Variants in CUBN observed in about 807,000 individuals in gnomAD.
CUBN encodes the protein cubilin.
CUBN carries 282 observed loss-of-function variants against 405.3 expected under a neutral mutation model. The ratio of observed to expected loss-of-function variants is 0.70; its 90% confidence interval spans 0.63 to 0.77. The LOEUF (loss-of-function observed/expected upper bound fraction) is 0.77, where lower values mean the gene tolerates loss of function less well. CUBN is among the 30% of genes least tolerant of loss of function. The pLI is 0.00. For synonymous variants in CUBN, 1,684 were observed against 1,617.0 expected (o/e 1.04, Z -0.99); for missense variants, 4,514 against 4,475.2 (o/e 1.01, Z -0.25).
chr10:17,064,052 T>G (rs1835558444), intron 22 of CUBN, among the ~76,000 whole-genome samples: 1 of 152,224 alleles, frequency 6.6e-6, no homozygotes, highest in Non-Finnish European at 1.5e-5. Flanking sequence ...GGTCACTGGA[T>G]GTTAACCACC....
chr10:16,998,221 G>C (rs1564469885), intron 28 of CUBN, among the ~76,000 whole-genome samples: 3 of 151,910 alleles, frequency 2.0e-5, no homozygotes, highest in African/African-American at 4.8e-5. Context: ...TTGGAGGAAA[G>C]GGCCTTGGCA....
chr10:16,938,541 G>A (rs1011230202), intron 38 of CUBN, among the ~76,000 whole-genome samples: 1 of 152,078 alleles, frequency 6.6e-6, no homozygotes, highest in Non-Finnish European at 1.5e-5. Flanking sequence ...GCATCCGATT[G>A]TGTTTCTGGA....
intron 5 of CUBN, 51 bp from the exon 6 acceptor site, chr10:17,122,949 T>A: frequency 8.1e-7 from 1 of 1,236,192 alleles, no homozygotes; most frequent in Non-Finnish European, 1.2e-6. Context: ...CAGAGGTATC[T>A]GGAGCGAACA....
intron 49 of CUBN, among the ~76,000 whole-genome samples, 187 bp from the exon 50 acceptor site, chr10:16,906,596 GAT>G (rs929703442): frequency 2.0e-5 from 3 of 152,180 alleles, no homozygotes; most frequent in Admixed American, 6.5e-5. Flanking sequence ...ATAAAGGAAA[GAT>G]GTGCAAAAAT....
chr10:17,088,096 T>A, intron 15 of CUBN, 68 bp downstream of exon 15: 1 of 1,289,284 alleles, frequency 7.8e-7, no homozygotes, highest in African/African-American at 1.5e-5. Context: ...TCCATGGGCA[T>A]GGCTAGACCA....
chr10:16,857,950 G>A (rs1839907934), intron 59 of CUBN, among the ~76,000 whole-genome samples: 2 of 152,146 alleles, frequency 1.3e-5, no homozygotes, highest in Admixed American at 6.5e-5. Flanking sequence ...ACTAACATAT[G>A]AGTTCAGCAA....
At chr10:16,837,057 C>G (rs1839192326) in intron 62 of CUBN, among the ~76,000 whole-genome samples, 1 of 152,024 alleles carries the variant, frequency 6.6e-6, no homozygotes, top group South Asian at 2.1e-4. Context: ...AACACCCCAC[C>G]CGTCTCTGCT....
At chr10:16,974,241 C>T (rs1833023475) in intron 31 of CUBN, among the ~76,000 whole-genome samples, 1 of 152,182 alleles carries the variant, frequency 6.6e-6, no homozygotes, top group South Asian at 2.1e-4. Context: ...GCTAGAATAT[C>T]ACAAAGTCCA....
rs770353956 is a variant in CUBN, at chr10:16,840,945, A to T, written c.9766T>A (p.Phe3256Ile). The T allele has an allele frequency of 1.9e-6, 3 of 1,613,830 alleles. No homozygotes were observed. The highest frequency in any genetic ancestry group is 1.7e-5 in the Admixed American group (1 of 60,020). Residue 3256 changes from phenylalanine (F) to isoleucine (I), a missense_variant, in exon 61 of 67, where the codon TTC becomes ATC. Around this residue, in one of 5 missense-constraint regions of CUBN, gnomAD observed 1,186 missense variants for 1,186.9 expected, o/e 1.00. Transcript: ENST00000377833. Reference sequence around the variant, plus strand: ...CTCTCTAATGTTAAGTCACTGATGAATTGAACCGTAAGGAAGTTACCAGAA... The same window carrying T: ...CTCTCTAATGTTAAGTCACTGATGATTTGAACCGTAAGGAAGTTACCAGAA... The part of the protein sequence containing the change: ...ISSGNFLTVQ[F>I]ISDLTLEREG...
chr10:16,899,131 C>T lies in CUBN; in HGVS notation c.8463G>A (p.Trp2821Ter), dbSNP rs759203841. The change falls in exon 54 of 67, where the codon TGG becomes TGA. Residue 2821 changes from tryptophan to a stop codon, truncating the protein, a stop_gained. Coordinates refer to ENST00000377833, the MANE Select transcript of CUBN (RefSeq NM_001081.4). LOFTEE classifies it high-confidence loss of function. ...SDNGTIRSPH[W>*]PQNFPENSRC... ...TGCTGTTTTCGGGAAAATTCTGAGGCCAGTGAGGGGATCTGATTGTACCAT... is the reference window on the plus strand; with the variant it reads ...TGCTGTTTTCGGGAAAATTCTGAGGTCAGTGAGGGGATCTGATTGTACCAT... 5 of 1,613,778 alleles carry T rather than the reference C, an allele frequency of 3.1e-6. No individual in the cohort carries two copies. Among genetic ancestry groups the T allele is most frequent in the Non-Finnish European group, 4.2e-6 (5 of 1,179,838 alleles).
intron 31 of CUBN, among the ~76,000 whole-genome samples, chr10:16,967,990 A>AG (rs1843450541): frequency 7.9e-6 from 1 of 127,162 alleles, no homozygotes. Flanking sequence ...AGAGAGAGGA[A>AG]AAGAGAGAGA....
chr10:16,884,923 G>T (rs812975), intron 56 of CUBN, among the ~76,000 whole-genome samples: 1 of 151,866 alleles, frequency 6.6e-6, no homozygotes, highest in Admixed American at 6.6e-5. Context: ...GCTCAGAAAT[G>T]CTTAGCCATT....
intron 59 of CUBN, among the ~76,000 whole-genome samples, chr10:16,868,750 C>T (rs1240742922): frequency 1.3e-5 from 2 of 152,140 alleles, no homozygotes; most frequent in Non-Finnish European, 2.9e-5. Context: ...AGTTTATCCT[C>T]TCACCTAACT....
intron 34 of CUBN, among the ~76,000 whole-genome samples, chr10:16,949,252 A>C (rs939216574): frequency 1.3e-5 from 2 of 152,174 alleles, no homozygotes; most frequent in Non-Finnish European, 2.9e-5. Flanking sequence ...AGAGGTGTGC[A>C]TAGGGTGTGG....
intron 31 of CUBN, among the ~76,000 whole-genome samples, chr10:16,973,286 T>A (rs1832991529): frequency 6.6e-6 from 1 of 152,186 alleles, no homozygotes; most frequent in African/African-American, 2.4e-5. Flanking sequence ...CACTTAAATG[T>A]CGCCTCCAGT....
chr10:16,992,924 C>A (rs1833636069), intron 28 of CUBN, among the ~76,000 whole-genome samples: 1 of 152,214 alleles, frequency 6.6e-6, no homozygotes, highest in Non-Finnish European at 1.5e-5. Context: ...TACAACAACA[C>A]ATGGCAAATA....
intron 17 of CUBN, among the ~76,000 whole-genome samples, chr10:17,081,369 C>G (rs150404504): frequency 3.7e-4 from 57 of 152,282 alleles, no homozygotes; most frequent in African/African-American, 1.2e-3. Flanking sequence ...CTTTTCTCTT[C>G]TCCACTCTTT....
At chr10:17,060,584 T>C (rs1361686190) in intron 22 of CUBN, among the ~76,000 whole-genome samples, 1 of 152,216 alleles carries the variant, frequency 6.6e-6, no homozygotes, top group Non-Finnish European at 1.5e-5. Flanking sequence ...GGGACACCTG[T>C]ACATACAAAA....
intron 44 of CUBN, among the ~76,000 whole-genome samples, chr10:16,919,062 T>C (rs1841966459): frequency 6.6e-6 from 1 of 152,244 alleles, no homozygotes; most frequent in Non-Finnish European, 1.5e-5. Context: ...ATATTCTGTA[T>C]TGGTTTTACA....
Sources: gnomAD v4.1 joint callset for allele counts (sites outside exome capture counted in the v4.1 genomes callset) on GRCh38, gnomAD v4.1.1 for gene constraint, gnomAD v4.1.1 regional missense constraint, MANE v1.5 for transcripts, NCBI Gene and HGNC (gene_info 2026-07-23, HGNC 2026-07-21) for gene names.